The following BCL2L13 variants were observed in gnomAD, a reference collection of about 807,000 sequenced individuals.
BCL2L13 encodes bcl-2-like protein 13.
In BCL2L13, 13 loss-of-function variants were observed where a neutral mutation model predicts 25.8. That is an observed-to-expected ratio of 0.50 (90% CI 0.33 to 0.80). The LOEUF is 0.80. Ranked by LOEUF, BCL2L13 falls within the 30% of genes least tolerant of loss-of-function variation. The pLI is 0.02. For synonymous variants in BCL2L13, 244 were observed against 230.3 expected (o/e 1.06, Z -0.54); for missense variants, 504 against 574.9 (o/e 0.88, Z 1.26).
intron 2 of BCL2L13, among the ~76,000 whole-genome samples, chr22:17,675,359 A>T (rs2059548047): frequency 6.6e-6 from 1 of 152,196 alleles, no homozygotes; most frequent in South Asian, 2.1e-4. Context: ...ACCTTGTAGA[A>T]AAATGGATCC....
intron 6 of BCL2L13, among the ~76,000 whole-genome samples, chr22:17,712,662 G>A (rs551903631): frequency 3.3e-5 from 5 of 152,232 alleles, no homozygotes; most frequent in East Asian, 1.9e-4. Context: ...TGACTCATTC[G>A]GATTATGTTC....
chr22:17,715,555 A>T (rs1275236497), intron 6 of BCL2L13, among the ~76,000 whole-genome samples: 1 of 152,120 alleles, frequency 6.6e-6, no homozygotes, highest in African/African-American at 2.4e-5. Context: ...GGCACATGGG[A>T]AGAGTCTGGC....
intron 4 of BCL2L13, 51 bp from the exon 5 acceptor site, chr22:17,696,090 A>G (rs1207764410): frequency 1.5e-6 from 2 of 1,358,888 alleles, no homozygotes; most frequent in South Asian, 2.3e-5. Context: ...TCATCTGGAA[A>G]TACAGAATTT....
At chr22:17,714,774 A>T (rs71328232) in intron 6 of BCL2L13, among the ~76,000 whole-genome samples, 1,539 of 152,254 alleles carry the variant, frequency 0.01, 18 homozygotes, top group Non-Finnish European at 0.017. Flanking sequence ...CTTTGTTTAT[A>T]GTAGAAGTTG....
intron 2 of BCL2L13, 96 bp from the exon 3 acceptor site, chr22:17,683,118 G>A: frequency 1.5e-6 from 1 of 668,514 alleles, no homozygotes. Flanking sequence ...CAGTGACAGT[G>A]CGAGACTCCG....
At chr22:17,692,415 C>T (rs2060131261) in intron 4 of BCL2L13, 1 of 152,142 alleles carries the variant, frequency 6.6e-6, no homozygotes, top group Admixed American at 6.6e-5. Context: ...ACTGTGACCC[C>T]CAGCAGCACC....
chr22:17,711,844 GT>G (rs1379553450), intron 6 of BCL2L13, among the ~76,000 whole-genome samples: 2 of 152,104 alleles, frequency 1.3e-5, no homozygotes, highest in African/African-American at 4.8e-5. Context: ...GAAGAACTGT[GT>G]AATTGTAAGG....
intron 6 of BCL2L13, among the ~76,000 whole-genome samples, chr22:17,712,481 T>C (rs1169289314): frequency 6.6e-6 from 1 of 152,242 alleles, no homozygotes; most frequent in Non-Finnish European, 1.5e-5. Context: ...TGTGCTACCT[T>C]ATACTACCAT....
intron 6 of BCL2L13, 67 bp from the exon 7 acceptor site, chr22:17,726,610 C>T (rs1205482327): frequency 1.3e-6 from 2 of 1,524,918 alleles, no homozygotes; most frequent in Admixed American, 2.0e-5. Context: ...AATTTGCTTT[C>T]CAGATTGATG....
intron 2 of BCL2L13, among the ~76,000 whole-genome samples, chr22:17,664,317 T>C (rs538452103): frequency 1.3e-5 from 2 of 152,342 alleles, no homozygotes; most frequent in African/African-American, 4.8e-5. Flanking sequence ...AAAATGACCT[T>C]TGACTCCATG....
intron 6 of BCL2L13, among the ~76,000 whole-genome samples, chr22:17,722,911 G>T (rs16981042): frequency 6.6e-6 from 1 of 151,974 alleles, no homozygotes; most frequent in Non-Finnish European, 1.5e-5. Flanking sequence ...TACAATATGG[G>T]CTTCCTTCCA....
At chr22:17,669,703 A>C (rs1019116134) in intron 2 of BCL2L13, among the ~76,000 whole-genome samples, 3 of 152,164 alleles carry the variant, frequency 2.0e-5, no homozygotes, top group African/African-American at 7.2e-5. Context: ...CAAATGGATT[A>C]ATCCATTCGT....
intron 1 of BCL2L13, among the ~76,000 whole-genome samples, chr22:17,644,336 T>C (rs901437218): frequency 1.4e-5 from 2 of 145,734 alleles, no homozygotes; most frequent in African/African-American, 2.5e-5. Flanking sequence ...TAATAATTCT[T>C]TTTTTTTTTT....
At chr22:17,666,646 A>G (rs1021148729) in intron 2 of BCL2L13, among the ~76,000 whole-genome samples, 1 of 141,422 alleles carries the variant, frequency 7.1e-6, no homozygotes, top group African/African-American at 2.6e-5. Flanking sequence ...TTCCAGTTCT[A>G]TCCATGTTGT....
chr22:17,695,302 A>G (rs2060231241), intron 4 of BCL2L13, among the ~76,000 whole-genome samples: 1 of 152,170 alleles, frequency 6.6e-6, no homozygotes, highest in South Asian at 2.1e-4. Flanking sequence ...ATTCATGCCA[A>G]TAGTTAAATC....
At chr22:17,654,113 T>G (rs2058772572) in intron 1 of BCL2L13, among the ~76,000 whole-genome samples, 1 of 152,096 alleles carries the variant, frequency 6.6e-6, no homozygotes, top group South Asian at 2.1e-4. Flanking sequence ...TTTCTTTTTG[T>G]TTTTGTTATT....
At chr22:17,665,701 A>G (rs1050672346) in intron 2 of BCL2L13, among the ~76,000 whole-genome samples, 1 of 152,136 alleles carries the variant, frequency 6.6e-6, no homozygotes, top group South Asian at 2.1e-4. Context: ...TCCTATCACC[A>G]GTGTACAGAG....
chr22:17,653,073 G>A (rs537825156), intron 1 of BCL2L13, among the ~76,000 whole-genome samples: 1 of 152,026 alleles, frequency 6.6e-6, no homozygotes, highest in Non-Finnish European at 1.5e-5. Flanking sequence ...TCAAAAAAAA[G>A]AGAAAAAACA....
intron 1 of BCL2L13, among the ~76,000 whole-genome samples, chr22:17,652,276 G>A (rs1366388702): frequency 6.6e-6 from 1 of 151,994 alleles, no homozygotes; most frequent in Non-Finnish European, 1.5e-5. Flanking sequence ...AAGCTCAAGT[G>A]ATCCCTCTGC....
Sources: allele counts gnomAD v4.1 joint callset (sites outside exome capture counted in the v4.1 genomes callset), GRCh38; gene constraint gnomAD v4.1.1; transcripts MANE v1.5; gene names NCBI Gene and HGNC (gene_info 2026-07-23, HGNC 2026-07-21).